The following ZNF827 variants were observed in gnomAD, a reference collection of about 807,000 sequenced individuals.
ZNF827 encodes the protein zinc finger protein 827.
A neutral mutation model predicts 102.4 loss-of-function variants in ZNF827; 13 were observed. The observed-to-expected ratio is 0.13, with a 90% CI of 0.08 to 0.20. ZNF827 has a LOEUF of 0.20. ZNF827 is among the 10% of genes least tolerant of loss of function. The pLI, the probability that ZNF827 is intolerant of heterozygous loss-of-function variation, is 1.00. For missense variants in ZNF827, 1,103 were observed against 1,344.4 expected (o/e 0.82, Z 2.81); for synonymous variants, 523 against 536.2 (o/e 0.98, Z 0.34).
At chr4:145,775,418 T>C (rs1434764189) in intron 10 of ZNF827, among the ~76,000 whole-genome samples, 1 of 151,984 alleles carries the variant, frequency 6.6e-6, no homozygotes, top group Non-Finnish European at 1.5e-5. Context: ...CAGATTTATA[T>C]TTCCTCAGCT....
At chr4:145,794,789 G>A (rs1386984179) in intron 8 of ZNF827, among the ~76,000 whole-genome samples, 1 of 152,200 alleles carries the variant, frequency 6.6e-6, no homozygotes, top group African/African-American at 2.4e-5. Flanking sequence ...TCACAGAGCT[G>A]TTTCTACTGT....
intron 1 of ZNF827, among the ~76,000 whole-genome samples, chr4:145,924,047 G>T (rs540932789): frequency 1.3e-5 from 2 of 152,214 alleles, no homozygotes; most frequent in Non-Finnish European, 2.9e-5. Flanking sequence ...TTTCTACAGT[G>T]AAATACTGGA....
At chr4:145,837,531 G>A (rs1333017255) in intron 7 of ZNF827, among the ~76,000 whole-genome samples, 9 of 152,076 alleles carry the variant, frequency 5.9e-5, no homozygotes, top group East Asian at 1.9e-4. Flanking sequence ...CCTATTCACC[G>A]TTCTCAACTA....
intron 4 of ZNF827, among the ~76,000 whole-genome samples, chr4:145,873,375 T>C (rs909767422): frequency 2.6e-5 from 4 of 152,206 alleles, no homozygotes; most frequent in African/African-American, 7.2e-5. Flanking sequence ...TCCAATATTA[T>C]CTGAAGTTAA....
chr4:145,924,729 T>G (rs778172114), intron 1 of ZNF827, among the ~76,000 whole-genome samples: 1 of 152,240 alleles, frequency 6.6e-6, no homozygotes, highest in Non-Finnish European at 1.5e-5. Flanking sequence ...ACAGTTGATT[T>G]TTGAGATGTA....
chr4:145,917,227 AG>A (rs1752723377), intron 1 of ZNF827, among the ~76,000 whole-genome samples: 2 of 152,210 alleles, frequency 1.3e-5, no homozygotes, highest in African/African-American at 2.4e-5. Context: ...CCCACTTCTT[AG>A]TACCAATTTT....
chr4:145,841,572 C>A (rs1476335987), intron 7 of ZNF827, among the ~76,000 whole-genome samples: 1 of 152,208 alleles, frequency 6.6e-6, no homozygotes, highest in Non-Finnish European at 1.5e-5. Context: ...ATTAACAACA[C>A]TCAGTCCACA....
At chr4:145,788,709 AT>A (rs1739248858) in intron 8 of ZNF827, among the ~76,000 whole-genome samples, 1 of 152,228 alleles carries the variant, frequency 6.6e-6, no homozygotes, top group South Asian at 2.1e-4. Context: ...CCTGGTTATT[AT>A]CTTGCCCATT....
At position 145,775,976 on chromosome 4, in the gene ZNF827, C is replaced by A; in HGVS notation, c.2522-16G>T. ...TTTCTTTCCTCTGGGGGAGAAGGAA[C>A]AGGAAAAAGCCCAAATCGCTTTCAA... On this transcript the variant is annotated splice_polypyrimidine_tract_variant and intron_variant, in intron 9 of 14. Transcript: ENST00000508784. 2 of 1,613,926 alleles carry A rather than the reference C, an allele frequency of 1.2e-6. No homozygotes were observed. Among genetic ancestry groups the A allele is most frequent in the Non-Finnish European group, 1.7e-6 (2 of 1,179,950 alleles).
At position 145,916,207 on chromosome 4, in the gene ZNF827, C is replaced by T. The variant is rs1455639111; in HGVS notation, c.44-12992G>A. On this transcript the variant is annotated intron_variant, in intron 1 of 14. Transcript: ENST00000508784. ...TTGGGGGCTCCCTGCATCAGCTCTG[C>T]CCCTCAGAAAGTCTCTGCCTGGGCC... Among the ~76,000 whole-genome samples the T allele has an allele frequency of 3.3e-5, 5 of 152,202 alleles. No homozygotes were observed. In the South Asian group the frequency reaches 8.3e-4, roughly 25 times the overall value.
rs373312536 is a variant in ZNF827, at chr4:145,886,163, C to T, written c.1267-5G>A. ...CCGATCCTGGTGCTGATGAACCTGACGGAGAAGCAAGAAGAATGAGCTAGC... is the reference window on the plus strand; with the variant it reads ...CCGATCCTGGTGCTGATGAACCTGATGGAGAAGCAAGAAGAATGAGCTAGC... On this transcript the variant is annotated splice_polypyrimidine_tract_variant and splice_region_variant and intron_variant, in intron 3 of 14. Coordinates refer to ENST00000508784, the MANE Select transcript of ZNF827 (RefSeq NM_001306215.2). 52 of 1,577,536 alleles carry T rather than the reference C, an allele frequency of 3.3e-5. No homozygotes were observed. The highest frequency in any genetic ancestry group is 2.3e-4 in the South Asian group (19 of 84,100).
Position 145,761,043 on chromosome 4 carries a change from C to G in ZNF827, c.*573G>C. ...TGCTGCCGTGGGCTGCCGACAGGGC[C>G]ACGGTCTGCAGAGCCTGGGAGGCAG... On this transcript the variant is annotated 3_prime_UTR_variant, in exon 15 of 15. Transcript: ENST00000508784. The surrounding 1 kb of genome is among the most constrained non-coding windows in gnomAD (Gnocchi z 6.8). The G allele has an allele frequency of 7.8e-7, 1 of 1,287,286 alleles. No individual in the cohort carries two copies. The highest frequency in any genetic ancestry group is 1.2e-5 in the South Asian group (1 of 80,896). The allele number at this position is 1,287,286 out of a possible 1,614,324, so 79.7% of individuals were successfully genotyped here. A position where few individuals can be genotyped will look rare whatever the true frequency, so the allele number is the denominator to read the frequency against.
chr4:145,851,206 A>C (rs890132019), intron 5 of ZNF827, among the ~76,000 whole-genome samples: 3 of 152,228 alleles, frequency 2.0e-5, no homozygotes. Context: ...CCATGAGAGA[A>C]TAAATATCTG....
At chr4:145,829,252 A>G (rs1381714218) in intron 7 of ZNF827, among the ~76,000 whole-genome samples, 2 of 152,214 alleles carry the variant, frequency 1.3e-5, no homozygotes, top group African/African-American at 4.8e-5. Flanking sequence ...CACTGTAATG[A>G]GTTTTTACTT....
At chr4:145,783,980 T>C (rs1738486154) in intron 8 of ZNF827, among the ~76,000 whole-genome samples, 1 of 152,198 alleles carries the variant, frequency 6.6e-6, no homozygotes, top group South Asian at 2.1e-4. Context: ...GCTGTTCTCA[T>C]GATAGTGAGT....
At chr4:145,808,450 A>C (rs1315379282) in intron 8 of ZNF827, among the ~76,000 whole-genome samples, 1 of 152,166 alleles carries the variant, frequency 6.6e-6, no homozygotes, top group Admixed American at 6.5e-5. Flanking sequence ...GTTAAAAAAG[A>C]AGCAACTCAT....
At chr4:145,869,977 C>A (rs13147616) in intron 5 of ZNF827, among the ~76,000 whole-genome samples, 23,821 of 152,158 alleles carry the variant, frequency 0.16, 2,652 homozygotes, top group East Asian at 0.42. Flanking sequence ...TGGCCTATAT[C>A]ACCTTAGAAA....
intron 7 of ZNF827, among the ~76,000 whole-genome samples, chr4:145,834,436 G>A (rs1443971758): frequency 6.6e-6 from 1 of 152,160 alleles, no homozygotes; most frequent in Admixed American, 6.5e-5. Flanking sequence ...TCGCCAGGCC[G>A]AGCTAGGTCC....
Position 145,937,800 on chromosome 4 carries a change from T to G in ZNF827, c.43+565A>C, listed in dbSNP as rs899888735. Among the ~76,000 whole-genome samples, 1,417 of 149,166 alleles carry G rather than the reference T, an allele frequency of 9.5e-3. 12 individuals carry two copies. Among genetic ancestry groups the G allele is most frequent in the Admixed American group, 0.022 (327 of 15,066 alleles). The stretch of plus-strand genomic sequence containing the variant: ...GGCCGACCAACCCCGGCGCAACCTT[T>G]AGCCAGGGACGGACCTCTCCCTGGA... On this transcript the variant is annotated intron_variant, in intron 1 of 14. Transcript: ENST00000508784.
Sources: allele counts gnomAD v4.1 joint callset (sites outside exome capture counted in the v4.1 genomes callset), GRCh38; gene constraint gnomAD v4.1.1; non-coding constraint Gnocchi (gnomAD v3.1); transcripts MANE v1.5; gene names NCBI Gene and HGNC (gene_info 2026-07-23, HGNC 2026-07-21).